The following SGCZ variants were observed in gnomAD, a reference collection of about 807,000 sequenced individuals.
SGCZ encodes zeta-sarcoglycan.
In SGCZ, 40 loss-of-function variants were observed where a neutral mutation model predicts 41.3. That is an observed-to-expected ratio of 0.97 (90% CI 0.75 to 1.26). SGCZ has a LOEUF of 1.26. Among genes scored for constraint, SGCZ ranks in the 50% most tolerant of loss-of-function variants. The pLI, the probability that SGCZ is intolerant of heterozygous loss-of-function variation, is 0.00. For missense variants in SGCZ, 552 were observed against 369.8 expected (o/e 1.49, Z -4.04); for synonymous variants, 206 against 137.5 (o/e 1.50, Z -3.49).
intron 1 of SGCZ, among the ~76,000 whole-genome samples, chr8:14,703,407 G>A (rs995828453): frequency 1.3e-5 from 2 of 151,792 alleles, no homozygotes; most frequent in African/African-American, 4.8e-5. Flanking sequence ...CTTTTTATTA[G>A]AATTCCTACT....
At chr8:14,315,137 G>C (rs1801673192) in intron 3 of SGCZ, among the ~76,000 whole-genome samples, 1 of 152,114 alleles carries the variant, frequency 6.6e-6, no homozygotes, top group African/African-American at 2.4e-5. Context: ...GCTCACCTTG[G>C]AGTCCTGAAA....
chr8:15,234,109 C>G (rs1802047787), intron 1 of SGCZ, among the ~76,000 whole-genome samples: 1 of 152,110 alleles, frequency 6.6e-6, no homozygotes, highest in African/African-American at 2.4e-5. Flanking sequence ...ATGAGTAAAT[C>G]TTACAAAAAG....
chr8:14,327,719 A>C (rs775093293), intron 2 of SGCZ, among the ~76,000 whole-genome samples: 1 of 152,156 alleles, frequency 6.6e-6, no homozygotes, highest in Non-Finnish European at 1.5e-5. Flanking sequence ...ATGATTTCAG[A>C]TATACCATCA....
chr8:14,740,960 A>G (rs1799183209), intron 1 of SGCZ, among the ~76,000 whole-genome samples: 2 of 152,064 alleles, frequency 1.3e-5, no homozygotes, highest in South Asian at 4.1e-4. Flanking sequence ...TCTGCAACAT[A>G]TACCATCCAT....
At chr8:14,520,928 C>G (rs1802769960) in intron 2 of SGCZ, among the ~76,000 whole-genome samples, 2 of 152,104 alleles carry the variant, frequency 1.3e-5, no homozygotes, top group African/African-American at 4.8e-5. Flanking sequence ...AACTTAATCA[C>G]TAATCTTAGC....
At chr8:14,856,833 G>C (rs978671962) in intron 1 of SGCZ, among the ~76,000 whole-genome samples, 1 of 152,120 alleles carries the variant, frequency 6.6e-6, no homozygotes, top group African/African-American at 2.4e-5. Context: ...GTAATTAAAA[G>C]CAAACCATAC....
Position 14,290,339 on chromosome 8 carries a change from A to G in SGCZ, c.336+33764T>C, listed in dbSNP as rs567919590. Among the ~76,000 whole-genome samples, 4 of 151,990 alleles carry G rather than the reference A, an allele frequency of 2.6e-5. No individual in the cohort carries two copies. The East Asian group carries it at 5.8e-4, about 22-fold the overall frequency. On this transcript the variant is annotated intron_variant, in intron 3 of 7. Coordinates refer to ENST00000382080, the MANE Select transcript of SGCZ (RefSeq NM_139167.4). The stretch of plus-strand genomic sequence containing the variant: ...CAACAAAAGAAAATATAGACACATG[A>G]GGTTAGAAAAACTAAAAAGCTTCTG...
At chr8:14,721,526 C>G (rs1809886671) in intron 1 of SGCZ, among the ~76,000 whole-genome samples, 2 of 152,200 alleles carry the variant, frequency 1.3e-5, no homozygotes. Flanking sequence ...TCACATCGGC[C>G]CATCAATAAA....
intron 2 of SGCZ, among the ~76,000 whole-genome samples, chr8:14,421,221 T>A (rs748958331): frequency 2.0e-5 from 3 of 152,110 alleles, no homozygotes; most frequent in Non-Finnish European, 4.4e-5. Context: ...TAAGGGGCTA[T>A]TGATCTCATG....
chr8:14,801,651 G>C lies in SGCZ; in HGVS notation c.40-246725C>G, dbSNP rs541097216. Among the ~76,000 whole-genome samples, 27 of 152,270 alleles carry C rather than the reference G, an allele frequency of 1.8e-4. 1 individual carries two copies. Among genetic ancestry groups the C allele is most frequent in the Admixed American group, 1.4e-3 (22 of 15,280 alleles). ...AAATAAATGTGAGGAAATTATTATA[G>C]ACTTGCATTTGGAGTTGGGGGAAAA... On this transcript the variant is annotated intron_variant, in intron 1 of 7. Transcript: ENST00000382080.
chr8:15,110,323 G>A lies in SGCZ; in HGVS notation c.39+127262C>T, dbSNP rs547252395. ...TGAAGATGATTAAAGAGATACATTCGGCTCTAGAGACTTTAGGAGAAATTG... is the reference window on the plus strand; with the variant it reads ...TGAAGATGATTAAAGAGATACATTCAGCTCTAGAGACTTTAGGAGAAATTG... On this transcript the variant is annotated intron_variant, in intron 1 of 7. Transcript: ENST00000382080. 7.9e-5 allele frequency among the ~76,000 whole-genome samples: 12 copies of A among 152,182 alleles called. No homozygotes were observed. The East Asian group carries it at 9.7e-4, about 12-fold the overall frequency.
intron 1 of SGCZ, among the ~76,000 whole-genome samples, chr8:15,156,671 C>T (rs1799338354): frequency 6.6e-6 from 1 of 152,118 alleles, no homozygotes; most frequent in Non-Finnish European, 1.5e-5. Context: ...CGGCCAGGCG[C>T]GGTGGCTCAT....
intron 1 of SGCZ, among the ~76,000 whole-genome samples, chr8:14,755,574 G>A (rs952251882): frequency 3.9e-5 from 6 of 152,150 alleles, no homozygotes; most frequent in Non-Finnish European, 1.5e-5. Context: ...TGTGAGTAAT[G>A]ACCTTTGATA....
intron 1 of SGCZ, among the ~76,000 whole-genome samples, chr8:15,005,314 GT>G (rs1221878072): frequency 8.3e-4 from 49 of 59,328 alleles, no homozygotes; most frequent in Non-Finnish European, 1.1e-3. Flanking sequence ...CCCCTCCCCC[GT>G]TTTTTTCTTT....
chr8:14,738,078 A>T (rs1360479068), intron 1 of SGCZ, among the ~76,000 whole-genome samples: 1 of 152,114 alleles, frequency 6.6e-6, no homozygotes, highest in Non-Finnish European at 1.5e-5. Context: ...TAGTCTCCAT[A>T]CTGGTGACAG....
chr8:15,164,462 C>T (rs942442315), intron 1 of SGCZ, among the ~76,000 whole-genome samples: 3 of 152,104 alleles, frequency 2.0e-5, no homozygotes, highest in South Asian at 2.1e-4. Context: ...GTCCCCGCCA[C>T]GTGCTGCTGC....
intron 1 of SGCZ, among the ~76,000 whole-genome samples, chr8:14,851,385 A>AG (rs1240984612): frequency 6.7e-5 from 10 of 149,922 alleles, no homozygotes; most frequent in African/African-American, 9.8e-5. Flanking sequence ...AAAAAAAAAA[A>AG]AAAAAGAAAA....
chr8:14,316,152 T>C (rs1054988858), intron 3 of SGCZ, among the ~76,000 whole-genome samples: 2 of 151,920 alleles, frequency 1.3e-5, no homozygotes, highest in African/African-American at 2.4e-5. Flanking sequence ...ATTGATGTAA[T>C]GTATAGGACC....
At chr8:14,200,780 T>G (rs879651938) in intron 4 of SGCZ, among the ~76,000 whole-genome samples, 1 of 152,180 alleles carries the variant, frequency 6.6e-6, no homozygotes, top group Non-Finnish European at 1.5e-5. Flanking sequence ...GTATGATGCA[T>G]TCTAAAATGA....
Sources: gnomAD v4.1 joint callset for allele counts (sites outside exome capture counted in the v4.1 genomes callset) on GRCh38, gnomAD v4.1.1 for gene constraint, MANE v1.5 for transcripts, NCBI Gene and HGNC (gene_info 2026-07-23, HGNC 2026-07-21) for gene names.